ACSM2B: variants seen among roughly 807,000 people sequenced by gnomAD.
The protein encoded by ACSM2B is acyl-coenzyme A synthetase ACSM2B, mitochondrial.
In ACSM2B, 58 loss-of-function variants were observed where a neutral mutation model predicts 78.6. That is an observed-to-expected ratio of 0.74 (90% CI 0.60 to 0.92). ACSM2B has a LOEUF of 0.92. ACSM2B is among the 40% of genes least tolerant of loss of function. The probability of loss-of-function intolerance (pLI) is 0.00; values close to 1 mark genes in which losing one functional copy is unlikely to be tolerated. For synonymous variants in ACSM2B, 257 were observed against 256.8 expected (o/e 1.00, Z -0.01); for missense variants, 688 against 711.2 (o/e 0.97, Z 0.37).
At position 20,546,374 on chromosome 16, in the gene ACSM2B, C is replaced by T. The variant is rs1370239905; in HGVS notation, c.1179+20G>A. On this transcript the variant is annotated intron_variant, in intron 9 of 13. Coordinates refer to ENST00000329697, the MANE Select transcript of ACSM2B (RefSeq NM_001105069.2). Reference sequence around the variant, plus strand: ...CAGTGTTTCCCCTAACTTCCTCCCTCCTCAGTGTCCCGAGCAAACCTGTAC... The same window carrying T: ...CAGTGTTTCCCCTAACTTCCTCCCTTCTCAGTGTCCCGAGCAAACCTGTAC... 1 of 1,581,982 alleles carries T rather than the reference C, an allele frequency of 6.3e-7. No homozygotes were observed. Among genetic ancestry groups the T allele is most frequent in the East Asian group, 2.2e-5 (1 of 44,572 alleles).
chr16:20,548,167 T>C lies in ACSM2B; in HGVS notation c.993A>G (p.Leu331=), dbSNP rs778649584. ...QDLSSYKFPH[L]QNCLAGGESL... The stretch of plus-strand genomic sequence containing the variant: ...ACTCCCCTCCAGCGAGGCAGTTCTG[T>C]AGATGGGGGAACTTGTAACTGAAGA... The change falls in exon 8 of 14, where the codon CTA becomes CTG. Residue 331 remains leucine (L), a synonymous_variant. Coordinates refer to ENST00000329697, the MANE Select transcript of ACSM2B (RefSeq NM_001105069.2). 11 of 1,613,882 alleles carry C rather than the reference T, an allele frequency of 6.8e-6. No homozygotes were observed. The Admixed American group carries it at 1.8e-4, about 27-fold the overall frequency.
At chr16:20,570,642 T>G (rs1272284589) in intron 1 of ACSM2B, among the ~76,000 whole-genome samples, 4 of 151,904 alleles carry the variant, frequency 2.6e-5, no homozygotes, top group African/African-American at 4.8e-5. Flanking sequence ...GTACCAATTC[T>G]TCTTTGAATG....
chr16:20,548,542 G>C, intron 6 of ACSM2B, 69 bp from the exon 7 acceptor site: 1 of 1,610,054 alleles, frequency 6.2e-7, no homozygotes, highest in South Asian at 1.1e-5. Flanking sequence ...ATGCACAGTG[G>C]TTACAATTGT....
In ACSM2B at chr16:20,544,579, A is replaced by G. The variant is rs58952510; in HGVS notation, c.1281+578T>C. 3.3e-3 allele frequency: 3,256 copies of G among 985,310 alleles called. 95 individuals carry two copies. In the African/African-American group the frequency reaches 0.051, roughly 16 times the overall value. The allele number at this position is 985,310 out of a possible 1,614,324, so 61.0% of individuals were successfully genotyped here. ...TTATTAGTCAATTATCTCAGGGATC[A>G]GAAGGCATGCCCTTGGGTTCTTCTC... On this transcript the variant is annotated intron_variant, in intron 10 of 13. Coordinates refer to ENST00000329697, the MANE Select transcript of ACSM2B (RefSeq NM_001105069.2).
intron 1 of ACSM2B, among the ~76,000 whole-genome samples, chr16:20,567,895 G>A (rs970525166): frequency 9.4e-5 from 13 of 138,218 alleles, no homozygotes; most frequent in Admixed American, 7.7e-4. Context: ...TATATAGTGT[G>A]GCTATATATA....
chr16:20,548,039 A>G (rs769392265), intron 8 of ACSM2B, 23 bp downstream of exon 8: 5 of 1,613,604 alleles, frequency 3.1e-6, no homozygotes, highest in South Asian at 1.1e-5. Flanking sequence ...CACACAGCCC[A>G]TGGTTCCCCT....
intron 1 of ACSM2B, among the ~76,000 whole-genome samples, chr16:20,567,299 T>C (rs1220122480): frequency 8.1e-6 from 1 of 123,948 alleles, no homozygotes; most frequent in African/African-American, 3.1e-5. Context: ...ATATATAATG[T>C]ATAGTACAAT....
chr16:20,574,505 T>C (rs1322343334), intron 1 of ACSM2B: 1 of 151,978 alleles, frequency 6.6e-6, no homozygotes, highest in East Asian at 1.9e-4. Context: ...ACAATTTATG[T>C]TCAGAGATTG....
At chr16:20,548,286 C>T in intron 7 of ACSM2B, 101 bp from the exon 8 acceptor site, 2 of 1,607,806 alleles carry the variant, frequency 1.2e-6, no homozygotes, top group Non-Finnish European at 1.7e-6. Flanking sequence ...CAAATGGCTT[C>T]ATGGGGCTCT....
At chr16:20,544,471 T>A in intron 10 of ACSM2B, 1 of 682,708 alleles carries the variant, frequency 1.5e-6, no homozygotes. Flanking sequence ...AAATTAAATG[T>A]GTTTATACAA....
chr16:20,561,543 G>A (rs2015655517), intron 2 of ACSM2B, among the ~76,000 whole-genome samples: 1 of 151,902 alleles, frequency 6.6e-6, no homozygotes, highest in Admixed American at 6.6e-5. Context: ...TGATCCAAAT[G>A]TCTTCCACCA....
At chr16:20,537,469 T>A in intron 13 of ACSM2B, 107 bp from the exon 14 acceptor site, 2 of 1,274,624 alleles carry the variant, frequency 1.6e-6, no homozygotes. Flanking sequence ...TGGAGCCACT[T>A]CAGGGTAGCC....
At chr16:20,560,759 G>A (rs2015628453) in intron 2 of ACSM2B, among the ~76,000 whole-genome samples, 2 of 152,074 alleles carry the variant, frequency 1.3e-5, no homozygotes, top group Admixed American at 1.3e-4. Context: ...AGAAGAGATA[G>A]AAAGATGAGG....
At chr16:20,569,195 A>G (rs1256246329) in intron 1 of ACSM2B, among the ~76,000 whole-genome samples, 1 of 151,964 alleles carries the variant, frequency 6.6e-6, no homozygotes, top group South Asian at 2.1e-4. Flanking sequence ...TTATAGTTTC[A>G]GGTCTTAGAT....
intron 1 of ACSM2B, among the ~76,000 whole-genome samples, chr16:20,567,599 T>C (rs908271414): frequency 7.4e-6 from 1 of 135,064 alleles, no homozygotes; most frequent in Non-Finnish European, 1.6e-5. Context: ...TAATATAAGA[T>C]ATATAATATA....
intron 2 of ACSM2B, among the ~76,000 whole-genome samples, chr16:20,562,784 G>A (rs143639847): frequency 2.0e-5 from 3 of 152,212 alleles, no homozygotes; most frequent in East Asian, 3.9e-4. Context: ...GTCACACTTT[G>A]TAACTTCACC....
intron 2 of ACSM2B, among the ~76,000 whole-genome samples, chr16:20,564,134 C>G (rs2015748280): frequency 6.6e-6 from 1 of 152,164 alleles, no homozygotes; most frequent in African/African-American, 2.4e-5. Flanking sequence ...GAGAGAATCT[C>G]ACTCTGTGGA....
rs2014869227 is a variant in ACSM2B at position 20,537,307 on chromosome 16, T to C, written c.1685A>G (p.Lys562Arg). The change falls in exon 14 of 14, where the codon AAA becomes AGA. Residue 562 changes from lysine (K) to arginine (R), a missense_variant. Coordinates refer to ENST00000329697, the MANE Select transcript of ACSM2B (RefSeq NM_001105069.2). ...KTVTGKIQRT[K>R]LRDKEWKMSG... is the part of the protein sequence containing the mutation. Reference sequence around the variant, plus strand: ...CATCTTCCACTCCTTGTCTCGAAGTTTGGTTCGTTGAATTTTCCCTGTGAC... The same window carrying C: ...CATCTTCCACTCCTTGTCTCGAAGTCTGGTTCGTTGAATTTTCCCTGTGAC... 1.5e-5 allele frequency: 24 copies of C among 1,613,916 alleles called. No individual in the cohort carries two copies. The highest frequency in any genetic ancestry group is 1.9e-5 in the Non-Finnish European group (22 of 1,179,920).
Position 20,552,210 on chromosome 16 carries a change from A to G in ACSM2B, c.828T>C (p.Ser276=), listed in dbSNP as rs778343577. 7 of 1,613,774 alleles carry G rather than the reference A, an allele frequency of 4.3e-6. No homozygotes were observed. In the Admixed American group the frequency reaches 5.0e-5, roughly 12 times the overall value. Residue 276 remains serine, a synonymous_variant, in exon 6 of 14, where the codon TCT becomes TCC. Coordinates refer to ENST00000329697, the MANE Select transcript of ACSM2B (RefSeq NM_001105069.2). ...CAAATGTGCATGCTCCTAATGTCCAAGATTCCAAAAGTGAGCCCAAGATGT... is the reference window on the plus strand; with the variant it reads ...CAAATGTGCATGCTCCTAATGTCCAGGATTCCAAAAGTGAGCCCAAGATGT... The part of the protein sequence containing the change: ...ILNILGSLLE[S]WTLGACTFVH...
Sources: gnomAD v4.1 joint callset for allele counts (sites outside exome capture counted in the v4.1 genomes callset) on GRCh38, gnomAD v4.1.1 for gene constraint, MANE v1.5 for transcripts, NCBI Gene and HGNC (gene_info 2026-07-23, HGNC 2026-07-21) for gene names.